ASAP1: variants seen among roughly 807,000 people sequenced by gnomAD.
ASAP1 encodes the protein arf-GAP with SH3 domain, ANK repeat and PH domain-containing protein 1.
Under a neutral mutation model 145.2 loss-of-function variants are expected in ASAP1, and 43 were observed. The observed-to-expected ratio is 0.30, with a 90% CI of 0.23 to 0.38. The LOEUF is 0.38. Ranked by LOEUF, ASAP1 falls within the 10% of genes least tolerant of loss-of-function variation. ASAP1 has a pLI of 1.00. For missense variants in ASAP1, 1,018 were observed against 1,355.3 expected, an observed-to-expected ratio of 0.75 and a Z score of 3.91; for synonymous variants, 546 against 515.5, an observed-to-expected ratio of 1.06 and a Z score of -0.80.
At chr8:130,404,395 C>T (rs979786972) in intron 1 of ASAP1, among the ~76,000 whole-genome samples, 2 of 152,148 alleles carry the variant, frequency 1.3e-5, no homozygotes, top group African/African-American at 4.8e-5. Flanking sequence ...CTTCTATTTC[C>T]TGACTTTGAA....
intron 2 of ASAP1, among the ~76,000 whole-genome samples, chr8:130,377,295 T>C (rs1827548792): frequency 6.6e-6 from 1 of 152,116 alleles, no homozygotes; most frequent in African/African-American, 2.4e-5. Flanking sequence ...CACAAGGTGA[T>C]GGGTGCACCA....
chr8:130,170,966 T>C (rs1164174701), intron 9 of ASAP1, among the ~76,000 whole-genome samples: 4 of 152,176 alleles, frequency 2.6e-5, no homozygotes, highest in African/African-American at 9.7e-5. Flanking sequence ...TCTGCTCTCC[T>C]TGGTCTCCCG....
At chr8:130,118,017 G>T in intron 20 of ASAP1, 144 bp downstream of exon 20, 1 of 561,452 alleles carries the variant, frequency 1.8e-6, no homozygotes, top group Non-Finnish European at 3.0e-6. Flanking sequence ...GAGACTTCAT[G>T]CCTGCAAAGC....
intron 3 of ASAP1, among the ~76,000 whole-genome samples, chr8:130,333,856 C>G (rs542775140): frequency 6.6e-6 from 1 of 152,216 alleles, no homozygotes; most frequent in African/African-American, 2.4e-5. Flanking sequence ...GCCTATCCCC[C>G]AGAAGCTGAG....
chr8:130,144,624 C>A (rs1416504955), intron 13 of ASAP1, among the ~76,000 whole-genome samples: 9 of 152,170 alleles, frequency 5.9e-5, no homozygotes, highest in Admixed American at 1.3e-4. Flanking sequence ...CTCATCTTCC[C>A]TCCAGATGCA....
intron 16 of ASAP1, among the ~76,000 whole-genome samples, chr8:130,126,720 T>A (rs531122500): frequency 2.0e-5 from 3 of 152,352 alleles, no homozygotes; most frequent in Non-Finnish European, 4.4e-5. Context: ...CTGCTTGCCA[T>A]TTCCTGACAC....
intron 6 of ASAP1, 135 bp downstream of exon 6, chr8:130,187,974 A>G (rs1448611848): frequency 1.4e-6 from 1 of 697,156 alleles, no homozygotes; most frequent in African/African-American, 1.8e-5. Flanking sequence ...TCCAATGATC[A>G]TTTTCCAAGA....
At chr8:130,240,559 T>C (rs1225360485) in intron 3 of ASAP1, among the ~76,000 whole-genome samples, 1 of 152,142 alleles carries the variant, frequency 6.6e-6, no homozygotes, top group Non-Finnish European at 1.5e-5. Flanking sequence ...GTAGATAATA[T>C]AGGCTATAAG....
At chr8:130,163,535 A>T (rs1052592336) in intron 11 of ASAP1, among the ~76,000 whole-genome samples, 2 of 152,260 alleles carry the variant, frequency 1.3e-5, no homozygotes, top group African/African-American at 4.8e-5. Flanking sequence ...ACAATCCTAA[A>T]TTAACTATGA....
chr8:130,360,040 T>C (rs899072144), intron 2 of ASAP1, among the ~76,000 whole-genome samples: 4 of 152,180 alleles, frequency 2.6e-5, no homozygotes, highest in African/African-American at 9.7e-5. Flanking sequence ...AGTAGCAGAG[T>C]GGCTGTCAAA....
chr8:130,305,396 G>C (rs901385259), intron 3 of ASAP1, among the ~76,000 whole-genome samples: 1 of 152,184 alleles, frequency 6.6e-6, no homozygotes, highest in African/African-American at 2.4e-5. Flanking sequence ...GCCCAGGCTG[G>C]AGTCCAGTGG....
At chr8:130,197,369 C>T (rs532746541) in intron 5 of ASAP1, among the ~76,000 whole-genome samples, 91 of 152,312 alleles carry the variant, frequency 6.0e-4, no homozygotes, top group Non-Finnish European at 1.1e-3. Context: ...GTTGAGGCTG[C>T]AGTGAGCTGA....
intron 3 of ASAP1, among the ~76,000 whole-genome samples, chr8:130,258,229 A>G (rs1819685953): frequency 6.6e-6 from 1 of 152,168 alleles, no homozygotes; most frequent in African/African-American, 2.4e-5. Context: ...TGAGGAGAAA[A>G]GTCAATCGTC....
chr8:130,242,314 A>T (rs1005502503), intron 3 of ASAP1, among the ~76,000 whole-genome samples: 2 of 150,978 alleles, frequency 1.3e-5, no homozygotes, highest in Admixed American at 1.3e-4. Context: ...CTCACTTGGA[A>T]AAAAAAAGGG....
chr8:130,229,889 T>A (rs1032846265), intron 4 of ASAP1, among the ~76,000 whole-genome samples: 4 of 151,512 alleles, frequency 2.6e-5, no homozygotes, highest in African/African-American at 7.3e-5. Flanking sequence ...AAACACCACC[T>A]CCCTCCCACA....
intron 3 of ASAP1, among the ~76,000 whole-genome samples, chr8:130,262,416 A>AAAAAAAAAAAGAGAGAGAG (rs1819974520): frequency 3.5e-5 from 2 of 57,844 alleles, no homozygotes; most frequent in African/African-American, 1.4e-4. Context: ...AAAAAAAAAA[A>AAAAAAAAAAAGAGAGAGAG]AGAGAGAGAG....
At chr8:130,377,525 C>CG (rs1827560889) in intron 2 of ASAP1, among the ~76,000 whole-genome samples, 2 of 152,124 alleles carry the variant, frequency 1.3e-5, no homozygotes. Flanking sequence ...TGCTGAGTAC[C>CG]GGGATGTAAA....
intron 20 of ASAP1, among the ~76,000 whole-genome samples, chr8:130,117,372 T>G (rs554403716): frequency 5.9e-5 from 9 of 152,194 alleles, no homozygotes; most frequent in Non-Finnish European, 8.8e-5. Context: ...GCAGGGATAT[T>G]TGAACACAGG....
chr8:130,358,152 A>G lies in ASAP1; in HGVS notation c.60-9T>C, dbSNP rs2138145994. 2 of 1,598,656 alleles carry G rather than the reference A, an allele frequency of 1.3e-6. No homozygotes were observed. The highest frequency in any genetic ancestry group is 1.7e-6 in the Non-Finnish European group (2 of 1,174,472). ...AGATCTGGTCCGGCATCCTGCCGGG[A>G]GGGACGAGACACAAGCGGGGGCGGG... is the stretch of plus-strand genomic sequence containing the variant. On this transcript the variant is annotated splice_polypyrimidine_tract_variant and intron_variant, in intron 2 of 29. Coordinates refer to ENST00000518721, the MANE Select transcript of ASAP1 (RefSeq NM_018482.4). This position sits in a 1 kb window ranked among gnomAD's most constrained non-coding sequence, Gnocchi z 4.1.
Sources: allele counts gnomAD v4.1 joint callset (sites outside exome capture counted in the v4.1 genomes callset), GRCh38; gene constraint gnomAD v4.1.1; non-coding constraint Gnocchi (gnomAD v3.1); transcripts MANE v1.5; gene names NCBI Gene and HGNC (gene_info 2026-07-23, HGNC 2026-07-21).